Variants in POLI observed in about 807,000 individuals in gnomAD.
POLI encodes RAD30 homolog B.
Under a neutral mutation model 51.6 loss-of-function variants are expected in POLI, and 58 were observed. The ratio of observed to expected loss-of-function variants is 1.12; its 90% CI spans 0.91 to 1.40. The LOEUF is 1.40. POLI is among the 40% of genes most tolerant of loss of function. The pLI, the probability that POLI is intolerant of heterozygous loss-of-function variation, is 0.00. For synonymous variants in POLI, 322 were observed against 299.7 expected (o/e 1.07, Z -0.77); for missense variants, 921 against 871.3 (o/e 1.06, Z -0.72).
intron 3 of POLI, chr18:54,311,077 G>C (rs1190275201): frequency 6.1e-6 from 6 of 983,154 alleles, no homozygotes; most frequent in Non-Finnish European, 7.2e-6. Flanking sequence ...ATTTCTTTTG[G>C]ATCTGTTGTA....
intron 7 of POLI, among the ~76,000 whole-genome samples, chr18:54,285,360 T>C (rs2087698621): frequency 6.6e-6 from 1 of 152,190 alleles, no homozygotes; most frequent in African/African-American, 2.4e-5. Flanking sequence ...AACCCAGAAG[T>C]GAGACCAGGT....
intron 2 of POLI, among the ~76,000 whole-genome samples, chr18:54,273,386 GT>G (rs11379197): frequency 5.3e-4 from 72 of 136,442 alleles, no homozygotes; most frequent in Non-Finnish European, 6.7e-4. Context: ...ATTTTCATCC[GT>G]TTTTTTTTTT....
chr18:54,300,808 G>T (rs773311916), downstream of POLI, among the ~76,000 whole-genome samples: 3 of 152,154 alleles, frequency 2.0e-5, no homozygotes, highest in Non-Finnish European at 2.9e-5. Context: ...AGATGTAATA[G>T]CTTTCAACAG....
At chr18:54,289,251 A>T in intron 8 of POLI, among the ~76,000 whole-genome samples, 1 of 148,800 alleles carries the variant, frequency 6.7e-6, no homozygotes. Context: ...GCTTCTGGGA[A>T]GTTGCCCATG....
intron 7 of POLI, among the ~76,000 whole-genome samples, chr18:54,285,866 A>T (rs1394325464): frequency 6.6e-6 from 1 of 152,126 alleles, no homozygotes; most frequent in East Asian, 1.9e-4. Flanking sequence ...TTACTACAGA[A>T]CTATTTAATT....
intron 5 of POLI, among the ~76,000 whole-genome samples, chr18:54,281,171 C>A (rs756376983): frequency 6.6e-6 from 1 of 152,112 alleles, no homozygotes; most frequent in Non-Finnish European, 1.5e-5. Context: ...AAGTTATAGC[C>A]TAGAAACATA....
chr18:54,285,733 A>G (rs756892846), intron 7 of POLI, among the ~76,000 whole-genome samples: 7 of 152,118 alleles, frequency 4.6e-5, no homozygotes. Context: ...TTTGAATTGC[A>G]TAATTAATAT....
At chr18:54,305,362 A>G (rs907472978) in intron 3 of POLI, among the ~76,000 whole-genome samples, 2 of 152,214 alleles carry the variant, frequency 1.3e-5, no homozygotes, top group Non-Finnish European at 1.5e-5. Context: ...CAGTATGGCC[A>G]TTTTCACGAT....
chr18:54,298,485 A>G (rs543897162), downstream of POLI, among the ~76,000 whole-genome samples: 1 of 152,186 alleles, frequency 6.6e-6, no homozygotes, highest in South Asian at 2.1e-4. Flanking sequence ...AGGGCTTACC[A>G]TGAATAATGA....
At chr18:54,306,114 G>T (rs1343232863) in intron 3 of POLI, among the ~76,000 whole-genome samples, 2 of 152,116 alleles carry the variant, frequency 1.3e-5, no homozygotes, top group Non-Finnish European at 2.9e-5. Context: ...ACACTATGTT[G>T]AATAGGAGTG....
At chr18:54,311,183 C>A in intron 3 of POLI, 2 of 787,068 alleles carry the variant, frequency 2.5e-6, no homozygotes, top group Non-Finnish European at 3.1e-6. Context: ...CAATTGTAAC[C>A]CAGTGATAAG....
chr18:54,271,362 G>A lies in POLI; in HGVS notation c.118G>A (p.Val40Ile), dbSNP rs1306643081. 6.2e-7 allele frequency: 1 copy of A among 1,611,340 alleles called. No individual in the cohort carries two copies. Among genetic ancestry groups the A allele is most frequent in the South Asian group, 1.1e-5 (1 of 90,368 alleles). ...DVGAAASSQG[V>I]HDQVLPTPNA... The stretch of plus-strand genomic sequence containing the variant: ...TTATTTCTTTGCATATTGTGCAGGA[G>A]TTCATGATCAAGTGTTGCCCACACC... The change falls in exon 2 of 10, where the codon GTT (valine) becomes ATT (isoleucine). Residue 40 changes from valine to isoleucine, a missense_variant and splice_region_variant. Coordinates refer to ENST00000579534, the MANE Select transcript of POLI (RefSeq NM_007195.3).
At chr18:54,304,972 C>T (rs564337170) in intron 3 of POLI, among the ~76,000 whole-genome samples, 3 of 152,332 alleles carry the variant, frequency 2.0e-5, no homozygotes, top group Admixed American at 1.3e-4. Flanking sequence ...TTTCAGCTTT[C>T]TACATATGGC....
chr18:54,297,052 C>A lies in POLI; in HGVS notation c.*2585C>A. 3 of 985,384 alleles carry A rather than the reference C, an allele frequency of 3.0e-6. No individual in the cohort carries two copies. The highest frequency in any genetic ancestry group is 3.6e-6 in the Non-Finnish European group (3 of 829,924). 61.0% of individuals were successfully genotyped at this position (985,384 alleles called of 1,614,324 possible). A position where few individuals can be genotyped will look rare whatever the true frequency, so the allele number is the denominator to read the frequency against. On this transcript the variant is annotated 3_prime_UTR_variant, in exon 10 of 10. Transcript: ENST00000579534. ...CGTTGCTTCTCTGGGTGAGGTGGTA[C>A]AAACTCCTTGGCATACTCTATTCAC...
chr18:54,317,589 G>T (rs1568162445), intron 3 of POLI, among the ~76,000 whole-genome samples: 1 of 152,140 alleles, frequency 6.6e-6, no homozygotes, highest in African/African-American at 2.4e-5. Context: ...TGGGCTGGAT[G>T]CAGTAGCTTA....
rs375746397 is a variant in POLI, at chr18:54,277,864, G to C, written c.559+9G>C. On this transcript the variant is annotated intron_variant, in intron 4 of 9. Coordinates refer to ENST00000579534, the MANE Select transcript of POLI (RefSeq NM_007195.3). ...TGTATACAATAATCAGTGTGAGTGG[G>C]TTCTTATTCATTCTACCTACTAACC... The C allele has an allele frequency of 1.7e-5, 27 of 1,591,418 alleles. No homozygotes were observed. Among genetic ancestry groups the C allele is most frequent in the Non-Finnish European group, 2.2e-5 (26 of 1,167,406 alleles).
chr18:54,296,875 T>C lies in POLI; in HGVS notation c.*2408T>C. 1.2e-6 allele frequency: 1 copy of C among 862,656 alleles called. No homozygotes were observed. The highest frequency in any genetic ancestry group is 1.8e-5 in the African/African-American group (1 of 54,346). 53.4% of individuals were successfully genotyped at this position (862,656 alleles called of 1,614,324 possible). On this transcript the variant is annotated 3_prime_UTR_variant, in exon 10 of 10. Coordinates refer to ENST00000579534, the MANE Select transcript of POLI (RefSeq NM_007195.3). Reference sequence around the variant, plus strand: ...ATTTTTAAAAGTCAAATATATGATATTTTTGATAATTTCAATATTTTAAGT... The same window carrying C: ...ATTTTTAAAAGTCAAATATATGATACTTTTGATAATTTCAATATTTTAAGT...
In POLI at chr18:54,298,085, TC is replaced by T; in HGVS notation, c.*3620del. 1 of 961,138 alleles carries T rather than the reference TC, an allele frequency of 1.0e-6. No homozygotes were observed. Among genetic ancestry groups the T allele is most frequent in the South Asian group, 4.8e-5 (1 of 20,756 alleles). The allele number at this position is 961,138 out of a possible 1,614,324, so 59.5% of individuals were successfully genotyped here. ...ATTATGAATCTGCAGATTTGTGTCTTCCATCAAATCTGGATTGTTTTCAATA... is the reference window on the plus strand; with the variant it reads ...ATTATGAATCTGCAGATTTGTGTCTTCATCAAATCTGGATTGTTTTCAATA... On this transcript the variant is annotated 3_prime_UTR_variant, in exon 10 of 10. Transcript: ENST00000579534.
intron 8 of POLI, among the ~76,000 whole-genome samples, chr18:54,290,543 G>A (rs2087959012): frequency 6.6e-6 from 1 of 152,074 alleles, no homozygotes; most frequent in Non-Finnish European, 1.5e-5. Context: ...TGTTTATTGT[G>A]GCACTATTCA....
Sources: gnomAD v4.1 joint callset for allele counts (sites outside exome capture counted in the v4.1 genomes callset) on GRCh38, gnomAD v4.1.1 for gene constraint, MANE v1.5 for transcripts, NCBI Gene and HGNC (gene_info 2026-07-23, HGNC 2026-07-21) for gene names.